MBNL1: variants seen among roughly 807,000 people sequenced by gnomAD.
The protein encoded by MBNL1 is muscleblind like splicing regulator 1.
MBNL1 carries 8 observed loss-of-function variants against 42.2 expected under a neutral mutation model. The ratio of observed to expected loss-of-function variants is 0.19; its 90% confidence interval spans 0.11 to 0.34. The LOEUF is 0.34. Ranked by LOEUF, MBNL1 falls within the 10% of genes least tolerant of loss-of-function variation. The pLI is 1.00. For missense variants in MBNL1, 309 were observed against 495.3 expected (o/e 0.62, Z 3.57); for synonymous variants, 169 against 173.9 (o/e 0.97, Z 0.22).
At chr3:152,404,650 A>C (rs2098372152) in intron 2 of MBNL1, among the ~76,000 whole-genome samples, 1 of 151,718 alleles carries the variant, frequency 6.6e-6, no homozygotes, top group African/African-American at 2.4e-5. Context: ...ATTACTGTCT[A>C]ACTTTATATC....
At chr3:152,372,627 C>T (rs1332356525) in intron 2 of MBNL1, among the ~76,000 whole-genome samples, 2 of 152,214 alleles carry the variant, frequency 1.3e-5, no homozygotes. Flanking sequence ...CACTAGCAGA[C>T]ACTGCAGAAC....
rs1045397025 is a variant in MBNL1 at position 152,414,822 on chromosome 3, C to T, written c.175-119C>T. On this transcript the variant is annotated intron_variant, in intron 2 of 9. Coordinates refer to ENST00000324210, the MANE Select transcript of MBNL1 (RefSeq NM_021038.5). ...TAAATGTATGATCAAATGATATGGA[C>T]AATGCATTGTGTGAAAAACCAATGA... 3 of 882,436 alleles carry T rather than the reference C, an allele frequency of 3.4e-6. No individual in the cohort carries two copies. The African/African-American group carries it at 5.1e-5, about 15-fold the overall frequency. The allele number at this position is 882,436 out of a possible 1,614,324, so 54.7% of individuals were successfully genotyped here. A position where few individuals can be genotyped will look rare whatever the true frequency, so the allele number is the denominator to read the frequency against.
rs1749289124 is a variant in MBNL1, at chr3:152,464,389, T to G, written c.*2023T>G. 1 of 152,574 alleles carries G rather than the reference T, an allele frequency of 6.6e-6. No individual in the cohort carries two copies. Among genetic ancestry groups the G allele is most frequent in the Non-Finnish European group, 1.5e-5 (1 of 67,990 alleles). 9.5% of individuals were successfully genotyped at this position (152,574 alleles called of 1,614,324 possible). A position where few individuals can be genotyped will look rare whatever the true frequency, so the allele number is the denominator to read the frequency against. On this transcript the variant is annotated 3_prime_UTR_variant, in exon 10 of 10. Transcript: ENST00000324210. ...GTCATTGTTAGTTCTTGTCTAGTTTTCATTAAAAGAACAAAGATCTTTTAT... is the reference window on the plus strand; with the variant it reads ...GTCATTGTTAGTTCTTGTCTAGTTTGCATTAAAAGAACAAAGATCTTTTAT...
intron 2 of MBNL1, among the ~76,000 whole-genome samples, chr3:152,358,697 A>T (rs550371424): frequency 1.3e-5 from 2 of 152,156 alleles, no homozygotes; most frequent in African/African-American, 2.4e-5. Flanking sequence ...TTTTCTAAAA[A>T]AGTAACTAAG....
intron 1 of MBNL1, among the ~76,000 whole-genome samples, chr3:152,286,799 A>G (rs557061069): frequency 6.6e-6 from 1 of 152,116 alleles, no homozygotes; most frequent in South Asian, 2.1e-4. Context: ...TGCTCTTTTA[A>G]TTTGTCCAAT....
chr3:152,346,676 C>G (rs919208554), intron 2 of MBNL1, among the ~76,000 whole-genome samples: 2 of 152,018 alleles, frequency 1.3e-5, no homozygotes, highest in Admixed American at 6.6e-5. Flanking sequence ...CCACCATTAT[C>G]ATTTACGTCA....
At chr3:152,421,357 G>A (rs1175549600) in intron 3 of MBNL1, among the ~76,000 whole-genome samples, 2 of 152,164 alleles carry the variant, frequency 1.3e-5, no homozygotes, top group African/African-American at 2.4e-5. Context: ...AGGGAGCCGA[G>A]TGTTCTTGCT....
intron 3 of MBNL1, among the ~76,000 whole-genome samples, chr3:152,416,335 T>C (rs2098701750): frequency 4.6e-5 from 7 of 152,232 alleles, no homozygotes; most frequent in Admixed American, 4.6e-4. Context: ...TCCCCTATGA[T>C]TGTAGGCTCA....
intron 2 of MBNL1, among the ~76,000 whole-genome samples, chr3:152,375,476 G>A (rs928158037): frequency 6.6e-6 from 1 of 152,172 alleles, no homozygotes; most frequent in African/African-American, 2.4e-5. Flanking sequence ...AGATCTGGGT[G>A]TGGTGGCTCA....
At chr3:152,330,312 G>T (rs1007689671) in intron 2 of MBNL1, among the ~76,000 whole-genome samples, 10 of 152,110 alleles carry the variant, frequency 6.6e-5, no homozygotes, top group African/African-American at 2.4e-4. Context: ...TAATTCTGGG[G>T]TTATCTCAAA....
intron 2 of MBNL1, among the ~76,000 whole-genome samples, chr3:152,380,264 A>G (rs1299619): frequency 0.93 from 140,976 of 152,120 alleles, 65,560 homozygotes; most frequent in East Asian, 1. Context: ...CATATTGAAT[A>G]CCTAAAATAC....
chr3:152,388,988 G>C (rs1011037693), intron 2 of MBNL1, among the ~76,000 whole-genome samples: 21 of 152,106 alleles, frequency 1.4e-4, no homozygotes, highest in African/African-American at 4.8e-4. Context: ...AACCTTTTCT[G>C]GTTTAGAGCC....
chr3:152,331,113 T>TA lies in MBNL1; in HGVS notation c.174+30746_174+30747insA, dbSNP rs879937808. ...CCTCTCTTTCTCTCCCTTCTCCCTC[T>TA]CTCCTTCCCTGTCTTACTCCCTCGT... On this transcript the variant is annotated intron_variant, in intron 2 of 9. Transcript: ENST00000324210. 2.6e-3 allele frequency among the ~76,000 whole-genome samples: 392 copies of TA among 152,042 alleles called. 1 individual carries two copies. Among genetic ancestry groups the TA allele is most frequent in the Middle Eastern group, 0.014 (4 of 294 alleles).
intron 8 of MBNL1, chr3:152,457,684 ATAAG>A (rs1553946550): frequency 1.3e-5 from 2 of 157,772 alleles, no homozygotes; most frequent in Non-Finnish European, 2.8e-5. Flanking sequence ...TGGCATGTTA[ATAAG>A]TAACCTTTGG....
chr3:152,433,265 T>A (rs1007779202), intron 4 of MBNL1, among the ~76,000 whole-genome samples: 2 of 151,738 alleles, frequency 1.3e-5, no homozygotes, highest in African/African-American at 4.8e-5. Flanking sequence ...TCCTGAATGT[T>A]TGTTGTTGTT....
chr3:152,386,938 G>C (rs931560723), intron 2 of MBNL1, among the ~76,000 whole-genome samples: 11 of 152,036 alleles, frequency 7.2e-5, no homozygotes, highest in African/African-American at 2.7e-4. Context: ...AATCAATGTG[G>C]TGCAGAATGT....
At chr3:152,287,298 A>C (rs1407558434) in intron 1 of MBNL1, among the ~76,000 whole-genome samples, 1 of 152,172 alleles carries the variant, frequency 6.6e-6, no homozygotes. Context: ...AATATTAATA[A>C]TCATAACAGA....
chr3:152,263,748 C>A (rs2036711412), upstream of MBNL1: 1 of 152,160 alleles, frequency 6.6e-6, no homozygotes, highest in South Asian at 2.1e-4. Flanking sequence ...CCCACCCCAC[C>A]CCTGCCTCTA....
intron 8 of MBNL1, chr3:152,458,118 A>G (rs1036568525): frequency 1.2e-6 from 2 of 1,613,328 alleles, no homozygotes; most frequent in Non-Finnish European, 1.7e-6. Context: ...GGTCCTTGGT[A>G]TGTTTCGACA....
Sources: gnomAD v4.1 joint callset for allele counts (sites outside exome capture counted in the v4.1 genomes callset) on GRCh38, gnomAD v4.1.1 for gene constraint, MANE v1.5 for transcripts, NCBI Gene and HGNC (gene_info 2026-07-23, HGNC 2026-07-21) for gene names.